Variants in MEGF11 observed in about 807,000 individuals in gnomAD.
The protein encoded by MEGF11 is multiple epidermal growth factor-like domains protein 11.
A neutral mutation model predicts 146.6 loss-of-function variants in MEGF11; 126 were observed. The observed-to-expected ratio is 0.86, with a 90% CI of 0.74 to 1.00. The LOEUF (loss-of-function observed/expected upper bound fraction) is 1.00. Ranked by LOEUF, MEGF11 falls within the 50% of genes least tolerant of loss-of-function variation. MEGF11 has a pLI of 0.00. For synonymous variants in MEGF11, 532 were observed against 583.4 expected, an observed-to-expected ratio of 0.91 and a Z score of 1.27; for missense variants, 1,509 against 1,521.2, an observed-to-expected ratio of 0.99 and a Z score of 0.13.
chr15:66,065,651 G>C (rs1413898914), intron 5 of MEGF11, among the ~76,000 whole-genome samples: 1 of 152,212 alleles, frequency 6.6e-6, no homozygotes, highest in Admixed American at 6.5e-5. Context: ...GCGTCCAAGA[G>C]GACACTGCCG....
At chr15:65,980,395 C>CT (rs60154748) in intron 7 of MEGF11, among the ~76,000 whole-genome samples, 53,591 of 87,602 alleles carry the variant, frequency 0.61, 17,885 homozygotes, top group Non-Finnish European at 0.69. Context: ...AAGAATTCAG[C>CT]TTTTTTTTTT....
chr15:66,229,311 C>G (rs1231581730), intron 1 of MEGF11, among the ~76,000 whole-genome samples: 4 of 152,040 alleles, frequency 2.6e-5, no homozygotes, highest in Non-Finnish European at 5.9e-5. Context: ...CAGAGCAGGA[C>G]TGTCCACAAG....
At chr15:65,954,334 T>A (rs1268784116) in intron 10 of MEGF11, among the ~76,000 whole-genome samples, 1 of 152,212 alleles carries the variant, frequency 6.6e-6, no homozygotes, top group Non-Finnish European at 1.5e-5. Context: ...CTCTGCTGAT[T>A]GCTCCTACTT....
chr15:65,907,419 T>C (rs1415084898), intron 23 of MEGF11, among the ~76,000 whole-genome samples: 3 of 152,098 alleles, frequency 2.0e-5, no homozygotes, highest in Non-Finnish European at 4.4e-5. Context: ...CTCAACCTCC[T>C]GAGTAGCTGG....
At chr15:66,015,596 T>C (rs956382366) in intron 5 of MEGF11, among the ~76,000 whole-genome samples, 2 of 151,654 alleles carry the variant, frequency 1.3e-5, no homozygotes, top group African/African-American at 4.9e-5. Flanking sequence ...AAAAAGGGGG[T>C]AAGGAGTCTA....
chr15:66,105,815 T>C (rs1317208425), intron 4 of MEGF11, among the ~76,000 whole-genome samples: 2 of 152,168 alleles, frequency 1.3e-5, no homozygotes, highest in Non-Finnish European at 2.9e-5. Context: ...CTCCGCAGTT[T>C]GTTTGGTGGA....
At chr15:66,122,940 C>T (rs1310872615) in intron 3 of MEGF11, among the ~76,000 whole-genome samples, 1 of 152,042 alleles carries the variant, frequency 6.6e-6, no homozygotes, top group Non-Finnish European at 1.5e-5. Context: ...CCCACCACCA[C>T]GCCCGGCTAA....
chr15:66,064,944 C>A (rs2085058999), intron 5 of MEGF11, among the ~76,000 whole-genome samples: 1 of 152,206 alleles, frequency 6.6e-6, no homozygotes, highest in South Asian at 2.1e-4. Context: ...GGAGCTCCCA[C>A]CCCAACCTGG....
chr15:66,179,055 C>T (rs908704788), intron 1 of MEGF11, among the ~76,000 whole-genome samples: 4 of 146,956 alleles, frequency 2.7e-5, no homozygotes, highest in East Asian at 2.0e-4. Context: ...TTTCACTCTC[C>T]GGATATCTCA....
chr15:65,917,068 G>T, intron 16 of MEGF11, 112 bp from the exon 17 acceptor site: 1 of 1,195,934 alleles, frequency 8.4e-7, no homozygotes, highest in Non-Finnish European at 1.1e-6. Context: ...GGACCTGGCT[G>T]ACATTTCCTG....
chr15:65,929,952 C>G, intron 11 of MEGF11, 69 bp from the exon 12 acceptor site: 1 of 1,434,416 alleles, frequency 7.0e-7, no homozygotes, highest in African/African-American at 1.4e-5. Context: ...CCACTCCCCC[C>G]AGCTCTGCAC....
intron 1 of MEGF11, among the ~76,000 whole-genome samples, chr15:66,182,629 G>T (rs1012399409): frequency 3.3e-5 from 5 of 152,200 alleles, no homozygotes; most frequent in Non-Finnish European, 5.9e-5. Flanking sequence ...ACAAGAGAAG[G>T]TCTCAGGGAC....
chr15:66,139,601 C>G (rs555260719), intron 1 of MEGF11, among the ~76,000 whole-genome samples: 6 of 112,712 alleles, frequency 5.3e-5, no homozygotes, highest in Non-Finnish European at 8.0e-5. Flanking sequence ...TTTTAGACCA[C>G]AGTAGGATAA....
chr15:66,147,275 T>C (rs887072509), intron 1 of MEGF11, among the ~76,000 whole-genome samples: 8 of 152,136 alleles, frequency 5.3e-5, no homozygotes, highest in African/African-American at 1.9e-4. Flanking sequence ...GCACCTTACA[T>C]GGTTGCGCAG....
intron 1 of MEGF11, among the ~76,000 whole-genome samples, chr15:66,203,203 GT>G (rs765543280): frequency 2.8e-4 from 42 of 152,318 alleles, no homozygotes; most frequent in Admixed American, 9.1e-4. Context: ...CCACCCCCAA[GT>G]GGGGTAGGAG....
chr15:66,206,546 A>AT (rs1293772411), intron 1 of MEGF11, among the ~76,000 whole-genome samples: 2 of 152,156 alleles, frequency 1.3e-5, no homozygotes, highest in Admixed American at 6.5e-5. Context: ...GCCAGAAGTT[A>AT]TTTTTTTAAA....
Position 65,957,632 on chromosome 15 carries a change from T to C in MEGF11, c.1202A>G (p.Asp401Gly), listed in dbSNP as rs896307750. Residue 401 changes from aspartate to glycine, a missense_variant, in exon 10 of 26, where the codon GAT becomes GGT. Transcript: ENST00000395614. ...ACAGGTGCAAGGCAGCTGGCAGCCA[T>C]CGCCATAGTAGCCAACAGGGCAGGA... is the stretch of plus-strand genomic sequence containing the variant. ...NESCPVGYYG[D>G]GCQLPCTCQN... is the part of the protein sequence containing the mutation. The C allele has an allele frequency of 6.2e-7, 1 of 1,613,828 alleles. No individual in the cohort carries two copies. The highest frequency in any genetic ancestry group is 8.5e-7 in the Non-Finnish European group (1 of 1,179,898).
At chr15:65,970,454 G>A (rs771032867) in intron 8 of MEGF11, 99 bp downstream of exon 8, 28 of 1,354,762 alleles carry the variant, frequency 2.1e-5, no homozygotes, top group Non-Finnish European at 2.8e-5. Flanking sequence ...GAAAGGAACT[G>A]GAAGGCTGGC....
At chr15:66,175,887 A>G (rs919488464) in intron 1 of MEGF11, among the ~76,000 whole-genome samples, 2 of 152,204 alleles carry the variant, frequency 1.3e-5, no homozygotes, top group Non-Finnish European at 2.9e-5. Context: ...ACAATCTATA[A>G]AATTGAAGAA....
Sources: gnomAD v4.1 joint callset for allele counts (sites outside exome capture counted in the v4.1 genomes callset) on GRCh38, gnomAD v4.1.1 for gene constraint, MANE v1.5 for transcripts, NCBI Gene and HGNC (gene_info 2026-07-23, HGNC 2026-07-21) for gene names.